The following SH2D4A variants were observed in gnomAD, a reference collection of about 807,000 sequenced individuals.
SH2D4A encodes the protein SH2 domain-containing protein 4A.
SH2D4A carries 70 observed loss-of-function variants against 64.7 expected under a neutral mutation model. That is an observed-to-expected ratio of 1.08 (90% CI 0.89 to 1.32). SH2D4A has a LOEUF of 1.32. Among genes scored for constraint, SH2D4A ranks in the 40% most tolerant of loss-of-function variants. SH2D4A has a pLI of 0.00. For synonymous variants in SH2D4A, 268 were observed against 200.7 expected (o/e 1.34, Z -2.83); for missense variants, 706 against 540.1 (o/e 1.31, Z -3.04).
intron 4 of SH2D4A, among the ~76,000 whole-genome samples, chr8:19,339,674 A>G (rs1185228415): frequency 6.6e-5 from 10 of 151,404 alleles, no homozygotes; most frequent in African/African-American, 2.2e-4. Flanking sequence ...CAATTTTAAC[A>G]ATTTTTTATA....
intron 1 of SH2D4A, among the ~76,000 whole-genome samples, chr8:19,314,331 G>T (rs2117155461): frequency 6.6e-6 from 1 of 152,232 alleles, no homozygotes; most frequent in South Asian, 2.1e-4. Flanking sequence ...CCGGGAAACG[G>T]TGGCAGCTGG....
intron 2 of SH2D4A, among the ~76,000 whole-genome samples, chr8:19,324,972 C>G (rs2052254584): frequency 6.6e-6 from 1 of 152,142 alleles, no homozygotes; most frequent in African/African-American, 2.4e-5. Context: ...GATTGCCAAG[C>G]CAGACCTCTC....
chr8:19,314,610 G>A (rs1431360527), intron 1 of SH2D4A, among the ~76,000 whole-genome samples: 2 of 152,230 alleles, frequency 1.3e-5, no homozygotes, highest in Non-Finnish European at 2.9e-5. Context: ...TAGAGAAGCA[G>A]CAAGCGTGGC....
intron 5 of SH2D4A, among the ~76,000 whole-genome samples, chr8:19,357,851 T>G (rs1585178011): frequency 6.6e-6 from 1 of 152,226 alleles, no homozygotes; most frequent in East Asian, 1.9e-4. Context: ...AGACTGGTAC[T>G]TGGAAGCTGT....
intron 8 of SH2D4A, among the ~76,000 whole-genome samples, chr8:19,382,820 A>ATTTTTTTTTTTT (rs2053318237): frequency 2.3e-5 from 2 of 85,910 alleles, no homozygotes; most frequent in African/African-American, 4.3e-5. Context: ...TGCTTTTAAG[A>ATTTTTTTTTTTT]TTCTTTTTTT....
intron 8 of SH2D4A, among the ~76,000 whole-genome samples, chr8:19,388,736 G>A (rs1203388160): frequency 6.6e-6 from 1 of 152,228 alleles, no homozygotes; most frequent in African/African-American, 2.4e-5. Flanking sequence ...AATAGAGGCA[G>A]TGGCTGCACG....
chr8:19,342,035 A>G (rs544032022), intron 4 of SH2D4A, among the ~76,000 whole-genome samples: 3 of 152,304 alleles, frequency 2.0e-5, no homozygotes, highest in African/African-American at 7.2e-5. Context: ...CTTGTGGAGG[A>G]GTCAGTTTCT....
intron 3 of SH2D4A, among the ~76,000 whole-genome samples, chr8:19,333,421 G>C (rs527377335): frequency 2.0e-5 from 3 of 152,236 alleles, no homozygotes; most frequent in South Asian, 2.1e-4. Context: ...GTTTTGATCT[G>C]TATGAGTGTA....
Position 19,318,213 on chromosome 8 carries a change from A to G in SH2D4A, c.-204-1131A>G, listed in dbSNP as rs551323969. On this transcript the variant is annotated intron_variant, in intron 1 of 9. Transcript: ENST00000265807. The stretch of plus-strand genomic sequence containing the variant: ...GCCACCCCGCCTGGCCTATTGGTCA[A>G]TTTCTTAGGACACATGTGATTCTGA... 3.3e-5 allele frequency among the ~76,000 whole-genome samples: 5 copies of G among 152,274 alleles called. No individual in the cohort carries two copies. In the South Asian group the frequency reaches 1.0e-3, roughly 32 times the overall value.
rs2053361386 is a variant in SH2D4A, at chr8:19,385,062, T to G, written c.1049-8256T>G. Among the ~76,000 whole-genome samples, 4 of 152,346 alleles carry G rather than the reference T, an allele frequency of 2.6e-5. 1 individual carries two copies. The Middle Eastern group carries it at 0.014, about 518-fold the overall frequency. On this transcript the variant is annotated intron_variant, in intron 8 of 9. Coordinates refer to ENST00000265807, the MANE Select transcript of SH2D4A (RefSeq NM_022071.4). ...TGAAATCTTTCCATCTTGATTTGTT[T>G]CTTGTGGCTGTCTTTTGCTGTCATG...
intron 4 of SH2D4A, 81 bp from the exon 5 acceptor site, chr8:19,357,122 A>G: frequency 1.7e-6 from 2 of 1,168,844 alleles, no homozygotes; most frequent in Non-Finnish European, 2.5e-6. Flanking sequence ...CATTAGGGAA[A>G]CCAGGGAAAC....
Position 19,393,418 on chromosome 8 carries a change from G to C in SH2D4A, c.1149G>C (p.Leu383=), listed in dbSNP as rs756624732. 8.1e-6 allele frequency: 13 copies of C among 1,614,126 alleles called. No individual in the cohort carries two copies. Among genetic ancestry groups the C allele is most frequent in the Non-Finnish European group, 8.5e-6 (10 of 1,180,058 alleles). Residue 383 remains leucine, a synonymous_variant, in exon 9 of 10, where the codon CTG becomes CTC. Transcript: ENST00000265807. ...GTGAAAGGATCAAAGGCTATGCCCT[G>C]TCCTATCTGTCGGAGGACGGCTGTA... The part of the protein sequence containing the change: ...RVSERIKGYA[L]SYLSEDGCKH...
intron 7 of SH2D4A, among the ~76,000 whole-genome samples, chr8:19,369,405 G>T (rs2053057234): frequency 6.6e-6 from 1 of 152,098 alleles, no homozygotes; most frequent in Admixed American, 6.6e-5. Flanking sequence ...AGTTTGAGAA[G>T]AATTGGTATT....
intron 1 of SH2D4A, chr8:19,314,069 C>T (rs2052043765): frequency 4.2e-6 from 5 of 1,200,700 alleles, no homozygotes; most frequent in Non-Finnish European, 5.2e-6. Context: ...GTGTCTGGAG[C>T]CGCTGGCTAG....
chr8:19,333,527 A>G (rs947412141), intron 3 of SH2D4A, among the ~76,000 whole-genome samples: 29 of 152,164 alleles, frequency 1.9e-4, no homozygotes, highest in Admixed American at 1.8e-3. Flanking sequence ...TGAGAAATGC[A>G]GTGACTGTGC....
chr8:19,344,301 A>G lies in SH2D4A; in HGVS notation c.513+9444A>G, dbSNP rs143613102. ...TGGAGAAGAATCCGCTTACAGGTAT[A>G]TTCACATTGTTGGCCAAATGAATCA... On this transcript the variant is annotated intron_variant, in intron 4 of 9. Coordinates refer to ENST00000265807, the MANE Select transcript of SH2D4A (RefSeq NM_022071.4). Among the ~76,000 whole-genome samples the G allele has an allele frequency of 1.9e-3, 282 of 152,210 alleles. 1 individual carries two copies. Among genetic ancestry groups the G allele is most frequent in the African/African-American group, 5.9e-3 (244 of 41,542 alleles).
At chr8:19,384,427 C>T (rs923588260) in intron 8 of SH2D4A, among the ~76,000 whole-genome samples, 1 of 152,176 alleles carries the variant, frequency 6.6e-6, no homozygotes, top group Non-Finnish European at 1.5e-5. Context: ...TTTTGTCACC[C>T]TTTATCTCTT....
rs77137790 is a variant in SH2D4A at position 19,325,243 on chromosome 8, C to T, written c.181+5515C>T. Among the ~76,000 whole-genome samples, 955 of 152,284 alleles carry T rather than the reference C, an allele frequency of 6.3e-3. 13 individuals carry two copies. Among genetic ancestry groups the T allele is most frequent in the African/African-American group, 0.021 (873 of 41,558 alleles). ...GCCTTGGGTTTTGCTTCATCAGTCC[C>T]ATTCCATAGAGATTTCCCACTACCA... On this transcript the variant is annotated intron_variant, in intron 2 of 9. Transcript: ENST00000265807.
intron 7 of SH2D4A, among the ~76,000 whole-genome samples, chr8:19,366,606 C>A (rs1047974169): frequency 6.0e-4 from 91 of 152,196 alleles, no homozygotes; most frequent in African/African-American, 2.0e-3. Flanking sequence ...ACCAGCCCGA[C>A]CAACATGGTG....
Sources: allele counts gnomAD v4.1 joint callset (sites outside exome capture counted in the v4.1 genomes callset), GRCh38; gene constraint gnomAD v4.1.1; transcripts MANE v1.5; gene names NCBI Gene and HGNC (gene_info 2026-07-23, HGNC 2026-07-21).